Variants in L2HGDH observed in about 807,000 individuals in gnomAD.
The protein encoded by L2HGDH is L-2-hydroxyglutarate dehydrogenase, mitochondrial.
A neutral mutation model predicts 51.5 loss-of-function variants in L2HGDH; 34 were observed. The observed-to-expected ratio is 0.66, with a 90% CI of 0.50 to 0.88. The LOEUF is 0.88. Ranked by LOEUF, L2HGDH falls within the 40% of genes least tolerant of loss-of-function variation. L2HGDH has a pLI of 0.00. For missense variants in L2HGDH, 558 were observed against 571.9 expected (o/e 0.98, Z 0.25); for synonymous variants, 198 against 197.9 (o/e 1.00, Z -0.01).
At chr14:50,269,136 T>G (rs184295930) in intron 7 of L2HGDH, 27 bp downstream of exon 7, 143 of 1,550,482 alleles carry the variant, frequency 9.2e-5, no homozygotes, top group Non-Finnish European at 1.1e-4. Context: ...TTGAAAAAAA[T>G]GAGAAGTAGG....
rs763849073 is a variant in L2HGDH at position 50,309,455 on chromosome 14, A to G, written c.140+2556T>C. On this transcript the variant is annotated intron_variant, in intron 1 of 9. Coordinates refer to ENST00000267436, the MANE Select transcript of L2HGDH (RefSeq NM_024884.3). The stretch of plus-strand genomic sequence containing the variant: ...CACATGCCTGTAATCCCAGCTACTC[A>G]GGAGGCTGAGGCAGGAGAATCCCTT... Among the ~76,000 whole-genome samples, 48 of 152,048 alleles carry G rather than the reference A, an allele frequency of 3.2e-4. No homozygotes were observed. The Middle Eastern group carries it at 0.014, about 43-fold the overall frequency.
intron 1 of L2HGDH, among the ~76,000 whole-genome samples, chr14:50,307,488 G>A (rs1211392319): frequency 1.3e-5 from 2 of 152,192 alleles, no homozygotes; most frequent in East Asian, 3.8e-4. Context: ...GCTAACCACG[G>A]AGGCTGAAAG....
chr14:50,278,572 G>T lies in L2HGDH; in HGVS notation c.704-18C>A, dbSNP rs1255944615. Reference sequence around the variant, plus strand: ...TTGCATTCCTGAAAAAAAAGAATAAGTGAAAAATTTATTTTTAGCAAAAGG... The same window carrying T: ...TTGCATTCCTGAAAAAAAAGAATAATTGAAAAATTTATTTTTAGCAAAAGG... On this transcript the variant is annotated intron_variant, in intron 5 of 9. Transcript: ENST00000267436. 4 of 1,310,326 alleles carry T rather than the reference G, an allele frequency of 3.1e-6. No homozygotes were observed. Among genetic ancestry groups the T allele is most frequent in the Non-Finnish European group, 4.3e-6 (4 of 919,592 alleles). The allele number at this position is 1,310,326 out of a possible 1,614,324, so 81.2% of individuals were successfully genotyped here. A position where few individuals can be genotyped will look rare whatever the true frequency, so the allele number is the denominator to read the frequency against.
chr14:50,267,905 T>C lies in L2HGDH; in HGVS notation c.912A>G (p.Pro304=), dbSNP rs963885418. Reference sequence around the variant, plus strand: ...CTCCTAGGAAAGGAAACCGGCTATCTGGGACCTATAAATTTAACATAGTAA... The same window carrying C: ...CTCCTAGGAAAGGAAACCGGCTATCCGGGACCTATAAATTTAACATAGTAA... The part of the protein sequence containing the change: ...YLVKGNIYPV[P]DSRFPFLGVH... The change falls in exon 8 of 10, where the codon CCA becomes CCG. Residue 304 remains proline (P), a synonymous_variant. Coordinates refer to ENST00000267436, the MANE Select transcript of L2HGDH (RefSeq NM_024884.3). 2.5e-6 allele frequency: 4 copies of C among 1,613,914 alleles called. No individual in the cohort carries two copies. In the Admixed American group the frequency reaches 5.0e-5, roughly 20 times the overall value.
chr14:50,292,453 T>A (rs975175881), intron 4 of L2HGDH, among the ~76,000 whole-genome samples: 1 of 152,232 alleles, frequency 6.6e-6, no homozygotes, highest in Admixed American at 6.5e-5. Flanking sequence ...ACGCCTGTAA[T>A]CCCAGAACTT....
At chr14:50,295,500 G>C (rs570446651) in intron 3 of L2HGDH, among the ~76,000 whole-genome samples, 1 of 151,288 alleles carries the variant, frequency 6.6e-6, no homozygotes, top group Non-Finnish European at 1.5e-5. Flanking sequence ...TCGACTTCCC[G>C]AGCTCAGGTG....
chr14:50,253,690 CA>C (rs971509691), intron 9 of L2HGDH, among the ~76,000 whole-genome samples: 38 of 152,008 alleles, frequency 2.5e-4, no homozygotes, highest in African/African-American at 8.9e-4. Context: ...GATATATACC[CA>C]AAAGAAAGGA....
chr14:50,304,960 G>A (rs1482920466), intron 1 of L2HGDH, among the ~76,000 whole-genome samples: 1 of 152,184 alleles, frequency 6.6e-6, no homozygotes, highest in Non-Finnish European at 1.5e-5. Context: ...TAGACAGAGG[G>A]AAATTTCAGA....
rs569420334 is a variant in L2HGDH at position 50,255,284 on chromosome 14, C to G, written c.1197-8031G>C. On this transcript the variant is annotated intron_variant, in intron 9 of 9. Transcript: ENST00000267436. ...GAAAGGTGGCTCCCGCCTGTAATCC[C>G]AGAACTTCGAGAGGCCAAAGTGGGT... Among the ~76,000 whole-genome samples the G allele has an allele frequency of 5.9e-5, 9 of 151,838 alleles. No homozygotes were observed. In the South Asian group the frequency reaches 1.9e-3, roughly 32 times the overall value.
intron 1 of L2HGDH, among the ~76,000 whole-genome samples, chr14:50,308,830 C>T (rs139558801): frequency 8.5e-5 from 13 of 152,318 alleles, no homozygotes; most frequent in East Asian, 1.9e-4. Flanking sequence ...TAGCTTTATT[C>T]GTAATAGCCA....
At position 50,245,146 on chromosome 14, in the gene L2HGDH, CA is replaced by C; in HGVS notation, c.*1911del. On this transcript the variant is annotated 3_prime_UTR_variant, in exon 10 of 10. Transcript: ENST00000267436. ...GAATGCCTCAAAGTTAGATATTTATCAAAAATGGAAAAATATCCCTATACAA... is the reference window on the plus strand; with the variant it reads ...GAATGCCTCAAAGTTAGATATTTATCAAAATGGAAAAATATCCCTATACAA... 1 of 985,548 alleles carries C rather than the reference CA, an allele frequency of 1.0e-6. No individual in the cohort carries two copies. The highest frequency in any genetic ancestry group is 1.2e-6 in the Non-Finnish European group (1 of 829,902). 61.1% of individuals were successfully genotyped at this position (985,548 alleles called of 1,614,324 possible). A position where few individuals can be genotyped will look rare whatever the true frequency, so the allele number is the denominator to read the frequency against.
rs1465268334 is a variant in L2HGDH, at chr14:50,305,297, G to T, written c.141-2280C>A. On this transcript the variant is annotated intron_variant, in intron 1 of 9. Coordinates refer to ENST00000267436, the MANE Select transcript of L2HGDH (RefSeq NM_024884.3). ...ATGGTTGTCAAGGATGGTGAATGAT[G>T]CCCACTTTTAAAAAGAGAGGGCATA... Among the ~76,000 whole-genome samples, 14 of 152,156 alleles carry T rather than the reference G, an allele frequency of 9.2e-5. No homozygotes were observed. In the East Asian group the frequency reaches 2.5e-3, roughly 27 times the overall value.
At chr14:50,301,882 A>G (rs2030428549) in intron 3 of L2HGDH, 135 bp downstream of exon 3, 2 of 858,930 alleles carry the variant, frequency 2.3e-6, no homozygotes, top group Admixed American at 2.5e-5. Flanking sequence ...ATCTTTTTTT[A>G]GTTATTCCCT....
Position 50,250,266 on chromosome 14 carries a change from G to A in L2HGDH, c.1197-3013C>T, listed in dbSNP as rs78565945. On this transcript the variant is annotated intron_variant, in intron 9 of 9. Transcript: ENST00000267436. ...GGGCCAGAGGGGAGCCCACTGCCCT[G>A]AAGGGTAAGTCCCAGGCCAGGCAGC... is the stretch of plus-strand genomic sequence containing the variant. 5.3e-3 allele frequency among the ~76,000 whole-genome samples: 812 copies of A among 152,324 alleles called. 6 individuals carry two copies. Among genetic ancestry groups the A allele is most frequent in the African/African-American group, 0.018 (729 of 41,572 alleles).
chr14:50,242,839 C>A lies in L2HGDH; in HGVS notation c.*4219G>T. ...GCAGAAAGATGAGGAAACCTCTGAC[C>A]AAGAAGTCTAGACACAGATTAAGGG... On this transcript the variant is annotated 3_prime_UTR_variant, in exon 10 of 10. Transcript: ENST00000267436. The A allele has an allele frequency of 1.0e-6, 1 of 985,382 alleles. No homozygotes were observed. Among genetic ancestry groups the A allele is most frequent in the Non-Finnish European group, 1.2e-6 (1 of 829,926 alleles). The allele number at this position is 985,382 out of a possible 1,614,324, so 61.0% of individuals were successfully genotyped here.
intron 5 of L2HGDH, among the ~76,000 whole-genome samples, chr14:50,283,377 G>A (rs1026802842): frequency 6.6e-6 from 1 of 152,086 alleles, no homozygotes; most frequent in Non-Finnish European, 1.5e-5. Context: ...AGACCCTCCA[G>A]GAGTCCCAGT....
intron 8 of L2HGDH, among the ~76,000 whole-genome samples, chr14:50,267,541 C>T (rs1322815226): frequency 6.6e-6 from 1 of 151,992 alleles, no homozygotes; most frequent in Non-Finnish European, 1.5e-5. Flanking sequence ...AAATGTTATA[C>T]TTATTCCAAA....
intron 3 of L2HGDH, 33 bp from the exon 4 acceptor site, chr14:50,294,279 G>A: frequency 3.1e-6 from 5 of 1,601,432 alleles, no homozygotes; most frequent in Non-Finnish European, 4.3e-6. Flanking sequence ...AGCATGGATA[G>A]AGGTGAATGT....
chr14:50,294,589 G>T (rs2029919334), intron 3 of L2HGDH, among the ~76,000 whole-genome samples: 1 of 152,144 alleles, frequency 6.6e-6, no homozygotes. Flanking sequence ...AGCATAAGTT[G>T]CTTGGACTTT....
Sources: allele counts gnomAD v4.1 joint callset (sites outside exome capture counted in the v4.1 genomes callset), GRCh38; gene constraint gnomAD v4.1.1; transcripts MANE v1.5; gene names NCBI Gene and HGNC (gene_info 2026-07-23, HGNC 2026-07-21).